Variants in MPV17 observed in about 807,000 individuals in gnomAD.
The protein encoded by MPV17 is mitochondrial inner membrane protein MPV17, also known as MPV17, mitochondrial inner membrane protein.
In MPV17, 31 loss-of-function variants were observed where a neutral mutation model predicts 28.6. That is an observed-to-expected ratio of 1.08 (90% CI 0.81 to 1.46). The LOEUF (loss-of-function observed/expected upper bound fraction) is 1.46. Ranked by LOEUF, MPV17 falls within the 40% of genes most tolerant of loss-of-function variation. The pLI is 0.00. For missense variants in MPV17, 198 were observed against 216.2 expected, an observed-to-expected ratio of 0.92 and a Z score of 0.53; for synonymous variants, 87 against 85.3, an observed-to-expected ratio of 1.02 and a Z score of -0.11.
intron 2 of MPV17, chr2:27,315,797 G>C: frequency 1.3e-6 from 1 of 747,600 alleles, no homozygotes; most frequent in Non-Finnish European, 1.7e-6. Flanking sequence ...CCTGACCCCA[G>C]GTGATCCACC....
chr2:27,314,969 C>T (rs532970564), intron 2 of MPV17, among the ~76,000 whole-genome samples: 3 of 152,330 alleles, frequency 2.0e-5, no homozygotes, highest in South Asian at 2.1e-4. Context: ...GATGGAAACC[C>T]GTGGCTCACC....
At chr2:27,315,990 T>C in intron 2 of MPV17, 1 of 1,522,486 alleles carries the variant, frequency 6.6e-7, no homozygotes, top group Non-Finnish European at 8.8e-7. Context: ...TGGGCTGAGA[T>C]GGGCTCAGAG....
chr2:27,310,991 C>CCT (rs1318731065), intron 7 of MPV17: 1 of 150,984 alleles, frequency 6.6e-6, no homozygotes, highest in Non-Finnish European at 1.5e-5. Context: ...GATCCACCTG[C>CCT]CTCAGCCTCC....
chr2:27,312,265 A>T lies in MPV17; in HGVS notation c.376-19T>A. The stretch of plus-strand genomic sequence containing the variant: ...GATAATCCTGGGGAGACAGAGAAGG[A>T]ACAAATTAACACTTGCGCCTCCAAG... On this transcript the variant is annotated intron_variant, in intron 5 of 7. Coordinates refer to ENST00000380044, the MANE Select transcript of MPV17 (RefSeq NM_002437.5). The T allele has an allele frequency of 6.2e-7, 1 of 1,613,822 alleles. No homozygotes were observed. The highest frequency in any genetic ancestry group is 8.5e-7 in the Non-Finnish European group (1 of 1,179,694).
At chr2:27,322,721 G>T (rs1420425295) in intron 1 of MPV17, among the ~76,000 whole-genome samples, 199 bp from the exon 2 acceptor site, 1 of 152,228 alleles carries the variant, frequency 6.6e-6, no homozygotes, top group African/African-American at 2.4e-5. Flanking sequence ...AGAGAGAAAG[G>T]CTGTGGGAAG....
rs780618131 is a variant in MPV17, at chr2:27,313,122, C to T, written c.71-13G>A. On this transcript the variant is annotated splice_polypyrimidine_tract_variant and intron_variant, in intron 2 of 7. Transcript: ENST00000380044. The stretch of plus-strand genomic sequence containing the variant: ...CCCATCAGGGACCCTATGCAGGGTA[C>T]ACAGGTGTTGTCAGGACATCTCCTG... 1 of 1,614,182 alleles carries T rather than the reference C, an allele frequency of 6.2e-7. No individual in the cohort carries two copies. Among genetic ancestry groups the T allele is most frequent in the South Asian group, 1.1e-5 (1 of 91,084 alleles).
intron 2 of MPV17, chr2:27,315,788 C>T: frequency 1.6e-6 from 1 of 631,182 alleles, no homozygotes; most frequent in South Asian, 5.4e-5. Context: ...TCTCAAACTC[C>T]TGACCCCAGG....
rs2148220274 is a variant in MPV17 at position 27,317,089 on chromosome 2, T to C, written c.71-3980A>G. 4 of 1,548,382 alleles carry C rather than the reference T, an allele frequency of 2.6e-6. No individual in the cohort carries two copies. In the East Asian group the frequency reaches 9.8e-5, roughly 38 times the overall value. The stretch of plus-strand genomic sequence containing the variant: ...GTTCCTCTACTTACTTTTGTGGCTT[T>C]TGAGTTTCATGCGCAGAAGGCAGAG... On this transcript the variant is annotated intron_variant, in intron 2 of 7. Coordinates refer to ENST00000380044, the MANE Select transcript of MPV17 (RefSeq NM_002437.5). This position sits in a 1 kb window ranked among gnomAD's most constrained non-coding sequence, Gnocchi z 4.0.
intron 2 of MPV17, among the ~76,000 whole-genome samples, chr2:27,315,495 T>G (rs936824359): frequency 6.6e-5 from 10 of 152,216 alleles, no homozygotes; most frequent in East Asian, 5.8e-4. Flanking sequence ...CAAAAGACTC[T>G]TATACATTTA....
In MPV17 at chr2:27,317,351, C is replaced by G. The variant is rs1679693520; in HGVS notation, c.71-4242G>C. ...CCTCTGGGATTATTCTGAATGCTCT[C>G]CCATTTCTGACCTGAACCCATCCTA... On this transcript the variant is annotated intron_variant, in intron 2 of 7. Coordinates refer to ENST00000380044, the MANE Select transcript of MPV17 (RefSeq NM_002437.5). The surrounding 1 kb of genome is among the most constrained non-coding windows in gnomAD (Gnocchi z 4.0). 1.1e-6 allele frequency: 1 copy of G among 920,462 alleles called. No individual in the cohort carries two copies. The highest frequency in any genetic ancestry group is 1.6e-6 in the Non-Finnish European group (1 of 640,366). 57.0% of individuals were successfully genotyped at this position (920,462 alleles called of 1,614,324 possible).
chr2:27,319,294 C>G (rs543837126), intron 2 of MPV17, among the ~76,000 whole-genome samples: 1 of 151,674 alleles, frequency 6.6e-6, no homozygotes, highest in African/African-American at 2.4e-5. Context: ...GTGGAACAAA[C>G]CTAACCCAAA....
chr2:27,318,850 C>T (rs1204315462), intron 2 of MPV17, among the ~76,000 whole-genome samples: 5 of 151,216 alleles, frequency 3.3e-5, no homozygotes, highest in Non-Finnish European at 5.9e-5. Context: ...CTGCAACCTC[C>T]GCCTCCCAGG....
At chr2:27,318,367 T>C (rs1679734626) in intron 2 of MPV17, among the ~76,000 whole-genome samples, 1 of 150,132 alleles carries the variant, frequency 6.7e-6, no homozygotes, top group African/African-American at 2.5e-5. Context: ...CGCCCGGCCT[T>C]TTTTTTTTCA....
intron 2 of MPV17, among the ~76,000 whole-genome samples, chr2:27,321,787 C>T (rs939315375): frequency 6.6e-6 from 1 of 151,970 alleles, no homozygotes; most frequent in Non-Finnish European, 1.5e-5. Flanking sequence ...TGATCAGATA[C>T]CAATATACTA....
rs376716759 is a variant in MPV17, at chr2:27,309,881, T to C, written c.*31A>G. The C allele has an allele frequency of 2.5e-6, 4 of 1,596,516 alleles. 1 individual carries two copies. The African/African-American group carries it at 5.4e-5, about 21-fold the overall frequency. On this transcript the variant is annotated 3_prime_UTR_variant, in exon 8 of 8. Coordinates refer to ENST00000380044, the MANE Select transcript of MPV17 (RefSeq NM_002437.5). Reference sequence around the variant, plus strand: ...CCGTTCCAGGGTCAAGCTGCATCACTGCAAGGTGGAAACGATGGAGTGAGG... The same window carrying C: ...CCGTTCCAGGGTCAAGCTGCATCACCGCAAGGTGGAAACGATGGAGTGAGG...
At position 27,313,081 on chromosome 2, in the gene MPV17, GATA is replaced by G. The variant is rs753533146; in HGVS notation, c.96_98del (p.Ile33del). The G allele has an allele frequency of 2.5e-6, 4 of 1,614,200 alleles. No individual in the cohort carries two copies. The highest frequency in any genetic ancestry group is 2.7e-5 in the African/African-American group (2 of 75,052). Reference sequence around the variant, plus strand: ...CCCGCCTCTCCACCAGCTGCTGTGAGATAATGTCACCCAGGCCCATCAGGGACC... The same window carrying G: ...CCCGCCTCTCCACCAGCTGCTGTGAGATGTCACCCAGGCCCATCAGGGACC... On this transcript the variant is annotated inframe_deletion, in exon 3 of 8. Coordinates refer to ENST00000380044, the MANE Select transcript of MPV17 (RefSeq NM_002437.5).
chr2:27,316,509 A>G (rs770461757), intron 2 of MPV17, among the ~76,000 whole-genome samples: 2 of 152,052 alleles, frequency 1.3e-5, no homozygotes, highest in African/African-American at 2.4e-5. Context: ...GCCTGCAGCA[A>G]CTCCAAGGTG....
chr2:27,317,014 C>T lies in MPV17; in HGVS notation c.71-3905G>A. The T allele has an allele frequency of 6.9e-7, 1 of 1,441,182 alleles. No homozygotes were observed. The highest frequency in any genetic ancestry group is 9.3e-7 in the Non-Finnish European group (1 of 1,071,850). The allele number at this position is 1,441,182 out of a possible 1,614,324, so 89.3% of individuals were successfully genotyped here. A position where few individuals can be genotyped will look rare whatever the true frequency, so the allele number is the denominator to read the frequency against. On this transcript the variant is annotated intron_variant, in intron 2 of 7. Transcript: ENST00000380044. This position sits in a 1 kb window ranked among gnomAD's most constrained non-coding sequence, Gnocchi z 4.0. The stretch of plus-strand genomic sequence containing the variant: ...ACTAGTGGAAAAGCCCCAACTTCCA[C>T]ACCCTCTTCCCGGGCATGGGCAGGG...
rs552959240 is a variant in MPV17 at position 27,312,147 on chromosome 2, C to A, written c.408+67G>T. On this transcript the variant is annotated intron_variant, in intron 6 of 7. Transcript: ENST00000380044. ...AGGGTTTCCCATGTCAGGAGGACCC[C>A]CCAATCCCAGGACAGTTCTAGACTT... The A allele has an allele frequency of 6.4e-6, 10 of 1,566,938 alleles. No homozygotes were observed. The South Asian group carries it at 1.1e-4, about 17-fold the overall frequency.
Sources: gnomAD v4.1 joint callset for allele counts (sites outside exome capture counted in the v4.1 genomes callset) on GRCh38, gnomAD v4.1.1 for gene constraint, Gnocchi (gnomAD v3.1) non-coding constraint, MANE v1.5 for transcripts, NCBI Gene and HGNC (gene_info 2026-07-23, HGNC 2026-07-21) for gene names.